Variants in TCHP observed in about 807,000 individuals in gnomAD.
TCHP encodes the protein trichoplein keratin filament-binding protein.
TCHP carries 81 observed loss-of-function variants against 88.7 expected under a neutral mutation model. The ratio of observed to expected loss-of-function variants is 0.91; its 90% CI spans 0.76 to 1.10. The LOEUF is 1.10. TCHP is among the 50% of genes least tolerant of loss of function. TCHP has a pLI of 0.00. For synonymous variants in TCHP, 232 were observed against 232.5 expected (o/e 1.00, Z 0.02); for missense variants, 641 against 632.1 (o/e 1.01, Z -0.15).
chr12:109,888,250 C>G, the TCHP span: 1 of 152,230 alleles, frequency 6.6e-6, no homozygotes, highest in Non-Finnish European at 1.5e-5. Context: ...GCCACAGAAA[C>G]CTTCAGCAAG....
the TCHP span, among the ~76,000 whole-genome samples, chr12:109,889,626 A>C: frequency 5.9e-5 from 9 of 152,218 alleles, no homozygotes; most frequent in African/African-American, 2.2e-4. Context: ...CTGTAAAGTT[A>C]GGACAGTAGC....
At chr12:109,887,707 G>A in the TCHP span, 1 of 152,370 alleles carries the variant, frequency 6.6e-6, no homozygotes, top group Non-Finnish European at 1.5e-5. Context: ...CTCACTTGCT[G>A]AGCTCTGGCC....
chr12:109,906,948 GCGCGA>G (rs1870167198), intron 5 of TCHP, among the ~76,000 whole-genome samples: 1 of 152,176 alleles, frequency 6.6e-6, no homozygotes, highest in African/African-American at 2.4e-5. Flanking sequence ...GTGTGCAGTG[GCGCGA>G]CTCACAGCTC....
upstream of TCHP, among the ~76,000 whole-genome samples, chr12:109,899,357 C>T (rs1028070982): frequency 2.0e-5 from 3 of 152,024 alleles, no homozygotes; most frequent in East Asian, 1.9e-4. Context: ...AGAAAGTTAT[C>T]GGCCGGGTGC....
chr12:109,899,849 A>G (rs1302444024), upstream of TCHP, among the ~76,000 whole-genome samples: 1 of 151,770 alleles, frequency 6.6e-6, no homozygotes, highest in African/African-American at 2.4e-5. Context: ...CCCAGGCTGG[A>G]GTGCAGTGGC....
At position 109,905,564 on chromosome 12, in the gene TCHP, T is replaced by A. The variant is rs934442514; in HGVS notation, c.456+771T>A. ...CAGGGGAGGGGGTGGCCTCTTGGCT[T>A]GGTGGCCTTGTTCAGTGGAGATTTG... On this transcript the variant is annotated intron_variant, in intron 4 of 12. Coordinates refer to ENST00000405876, the MANE Select transcript of TCHP (RefSeq NM_001143852.2). The surrounding 1 kb of genome is among the most constrained non-coding windows in gnomAD (Gnocchi z 4.0). Among the ~76,000 whole-genome samples, 3 of 152,332 alleles carry A rather than the reference T, an allele frequency of 2.0e-5. No homozygotes were observed. Among genetic ancestry groups the A allele is most frequent in the Non-Finnish European group, 4.4e-5 (3 of 68,030 alleles).
At chr12:109,899,992 C>G (rs907940387), upstream of TCHP, among the ~76,000 whole-genome samples, 7 of 152,216 alleles carry the variant, frequency 4.6e-5, no homozygotes, top group Middle Eastern at 3.4e-3. Flanking sequence ...ACAGGAGTCC[C>G]TCTGTGTTGC....
chr12:109,892,320 G>A, the TCHP span, among the ~76,000 whole-genome samples: 1 of 152,216 alleles, frequency 6.6e-6, no homozygotes, highest in Non-Finnish European at 1.5e-5. Flanking sequence ...CTGGGATCCT[G>A]AAGTCTGAGT....
upstream of TCHP, among the ~76,000 whole-genome samples, chr12:109,898,071 T>G (rs1869609012): frequency 6.6e-6 from 1 of 152,166 alleles, no homozygotes; most frequent in African/African-American, 2.4e-5. Flanking sequence ...GGACAGACCC[T>G]GATTAAACAG....
At position 109,904,772 on chromosome 12, in the gene TCHP, G is replaced by C; in HGVS notation, c.435G>C (p.Lys145Asn). The C allele has an allele frequency of 6.2e-7, 1 of 1,613,542 alleles. No homozygotes were observed. The highest frequency in any genetic ancestry group is 8.5e-7 in the Non-Finnish European group (1 of 1,179,864). ...AEQLLYEHWK[K>N]NNPKLREMEL... is the part of the protein sequence containing the mutation. ...AACTTTTGTACGAACACTGGAAAAA[G>C]AACAACCCGAAACTTCGAGAGGTGA... Residue 145 changes from lysine (K) to asparagine (N), a missense_variant, in exon 4 of 13, where the codon AAG (lysine) becomes AAC (asparagine). Coordinates refer to ENST00000405876, the MANE Select transcript of TCHP (RefSeq NM_001143852.2).
intron 8 of TCHP, 63 bp downstream of exon 8, chr12:109,909,000 G>T: frequency 6.7e-7 from 1 of 1,490,006 alleles, no homozygotes; most frequent in Admixed American, 1.7e-5. Flanking sequence ...GCCTTCCATT[G>T]CTTAGTATAT....
At chr12:109,915,273 C>G in intron 11 of TCHP, 130 bp from the exon 12 acceptor site, 1 of 1,244,926 alleles carries the variant, frequency 8.0e-7, no homozygotes, top group Non-Finnish European at 1.2e-6. Context: ...CGTTCCTTGG[C>G]ACGTGCATTG....
At chr12:109,908,477 C>A (rs1323885551) in intron 6 of TCHP, 109 bp from the exon 7 acceptor site, 9 of 869,952 alleles carry the variant, frequency 1.0e-5, no homozygotes, top group Non-Finnish European at 1.1e-5. Context: ...CCTGCATGGC[C>A]AGGCCTCTGT....
At chr12:109,893,716 G>A in the TCHP span, among the ~76,000 whole-genome samples, 2 of 152,202 alleles carry the variant, frequency 1.3e-5, no homozygotes, top group Non-Finnish European at 2.9e-5. Flanking sequence ...GTTCAGGTGT[G>A]TTGGTCGAGT....
the TCHP span, among the ~76,000 whole-genome samples, chr12:109,884,874 A>G: frequency 9.7e-4 from 148 of 152,344 alleles, no homozygotes; most frequent in African/African-American, 3.3e-3. Context: ...ATCACAGTAC[A>G]TCCATCCATG....
At chr12:109,891,480 A>G in the TCHP span, among the ~76,000 whole-genome samples, 1 of 146,204 alleles carries the variant, frequency 6.8e-6, no homozygotes, top group East Asian at 2.0e-4. Context: ...AGCAACCTCC[A>G]CCTCCCAGGT....
At chr12:109,899,489 T>G (rs1346576867), upstream of TCHP, among the ~76,000 whole-genome samples, 1 of 152,002 alleles carries the variant, frequency 6.6e-6, no homozygotes, top group Non-Finnish European at 1.5e-5. Flanking sequence ...ATACAAAAAA[T>G]TAGCTGGGCG....
Position 109,903,097 on chromosome 12 carries a change from G to A in TCHP, c.71G>A (p.Arg24Gln), listed in dbSNP as rs373497072. 4.3e-6 allele frequency: 7 copies of A among 1,613,912 alleles called. No homozygotes were observed. Among genetic ancestry groups the A allele is most frequent in the East Asian group, 2.2e-5 (1 of 44,892 alleles). Residue 24 changes from arginine (R) to glutamine (Q), a missense_variant, in exon 2 of 13, where the codon CGA (arginine) becomes CAA (glutamine). Transcript: ENST00000405876. This position sits in a 1 kb window ranked among gnomAD's most constrained non-coding sequence, Gnocchi z 4.6. ...CTGAATCAGCAGCTAGCACGACAGC[G>A]AGAGCAGGAGGCCCGGCTTCGGCAG... ...QRLNQQLARQ[R>Q]EQEARLRQQW...
rs531314116 is a variant in TCHP at position 109,905,809 on chromosome 12, G to C, written c.457-763G>C. 6.6e-6 allele frequency among the ~76,000 whole-genome samples: 1 copy of C among 152,342 alleles called. No homozygotes were observed. Among genetic ancestry groups the C allele is most frequent in the African/African-American group, 2.4e-5 (1 of 41,568 alleles). ...CATCCAGAGCCGTTAAATCAGAAAA[G>C]TTTATTCAGAACATTCAAGTTAATT... On this transcript the variant is annotated intron_variant, in intron 4 of 12. Transcript: ENST00000405876. This position sits in a 1 kb window ranked among gnomAD's most constrained non-coding sequence, Gnocchi z 4.0.
Sources: gnomAD v4.1 joint callset for allele counts (sites outside exome capture counted in the v4.1 genomes callset) on GRCh38, gnomAD v4.1.1 for gene constraint, Gnocchi (gnomAD v3.1) non-coding constraint, MANE v1.5 for transcripts, NCBI Gene and HGNC (gene_info 2026-07-23, HGNC 2026-07-21) for gene names.